Variants in SGO1 observed in about 807,000 individuals in gnomAD.
SGO1 encodes serologically defined breast cancer antigen NY-BR-85.
A neutral mutation model predicts 50.5 loss-of-function variants in SGO1; 39 were observed. The ratio of observed to expected loss-of-function variants is 0.77; its 90% confidence interval spans 0.60 to 1.01. The LOEUF is 1.01. Ranked by LOEUF, SGO1 falls within the 50% of genes least tolerant of loss-of-function variation. The pLI is 0.00. For missense variants in SGO1, 638 were observed against 606.0 expected (o/e 1.05, Z -0.55); for synonymous variants, 191 against 205.1 (o/e 0.93, Z 0.59).
At chr3:20,182,941 C>T (rs1037541425) in intron 3 of SGO1, among the ~76,000 whole-genome samples, 2 of 152,034 alleles carry the variant, frequency 1.3e-5, no homozygotes, top group African/African-American at 4.8e-5. Flanking sequence ...TGGCGTGAAC[C>T]CAGGAGGCCG....
chr3:20,182,787 C>G (rs1161461701), intron 3 of SGO1, among the ~76,000 whole-genome samples: 1 of 152,044 alleles, frequency 6.6e-6, no homozygotes, highest in Non-Finnish European at 1.5e-5. Context: ...GGGAGGTCGA[C>G]ATGGGCGGAT....
At chr3:20,167,597 T>C (rs954135433), downstream of SGO1, among the ~76,000 whole-genome samples, 3 of 152,202 alleles carry the variant, frequency 2.0e-5, no homozygotes, top group African/African-American at 7.2e-5. Flanking sequence ...TACAAGTTCA[T>C]AGTAATTAAA....
At chr3:20,161,262 TGTTTCTA>T (rs1700024933) in intron 8 of SGO1, 15 of 1,498,866 alleles carry the variant, frequency 1.0e-5, no homozygotes, top group Middle Eastern at 1.9e-4. Context: ...TCTACAGAGA[TGTTTCTA>T]CAACCTAGTC....
At chr3:20,175,138 A>G (rs1041036490) in intron 5 of SGO1, 83 bp from the exon 6 acceptor site, 3 of 1,309,672 alleles carry the variant, frequency 2.3e-6, no homozygotes, top group African/African-American at 3.0e-5. Flanking sequence ...TCAAACTAAA[A>G]AAGTGAATGA....
At chr3:20,179,827 T>A (rs11717876) in intron 3 of SGO1, among the ~76,000 whole-genome samples, 1 of 152,040 alleles carries the variant, frequency 6.6e-6, no homozygotes, top group Admixed American at 6.5e-5. Flanking sequence ...CAGGGGAGCA[T>A]GATATCATGA....
At chr3:20,165,386 C>G (rs533870230), downstream of SGO1, among the ~76,000 whole-genome samples, 1 of 152,252 alleles carries the variant, frequency 6.6e-6, no homozygotes, top group African/African-American at 2.4e-5. Flanking sequence ...CAGATTTCAA[C>G]ATGGGATTTG....
chr3:20,172,381 AT>A (rs1267754523), intron 6 of SGO1, among the ~76,000 whole-genome samples: 1 of 151,972 alleles, frequency 6.6e-6, no homozygotes, highest in Non-Finnish European at 1.5e-5. Flanking sequence ...CATGCCTGTA[AT>A]CCCAGCTACT....
rs1212887232 is a variant in SGO1 at position 20,186,076 on chromosome 3, C to T, written c.-136G>A. The T allele has an allele frequency of 2.0e-5, 3 of 152,662 alleles. No individual in the cohort carries two copies. In the East Asian group the frequency reaches 5.8e-4, roughly 29 times the overall value. 9.5% of individuals were successfully genotyped at this position (152,662 alleles called of 1,614,324 possible). A position where few individuals can be genotyped will look rare whatever the true frequency, so the allele number is the denominator to read the frequency against. On this transcript the variant is annotated 5_prime_UTR_variant, in exon 1 of 8. Coordinates refer to ENST00000412997, the MANE Select transcript of SGO1 (RefSeq NM_001199251.3). ...AACGATACCTTGGCCACTACTTCTGCAACAGCTATCTTCCTCCTCCTCACA... is the reference window on the plus strand; with the variant it reads ...AACGATACCTTGGCCACTACTTCTGTAACAGCTATCTTCCTCCTCCTCACA...
chr3:20,177,077 G>A, intron 4 of SGO1: 1 of 153,908 alleles, frequency 6.5e-6, no homozygotes, highest in Non-Finnish European at 1.4e-5. Flanking sequence ...CTTAACTATT[G>A]AACTCTTCTG....
In SGO1 at chr3:20,169,911, C is replaced by T. The variant is rs1375668998; in HGVS notation, c.*793G>A. 2.0e-6 allele frequency: 2 copies of T among 983,358 alleles called. No homozygotes were observed. The highest frequency in any genetic ancestry group is 2.4e-6 in the Non-Finnish European group (2 of 828,212). 60.9% of individuals were successfully genotyped at this position (983,358 alleles called of 1,614,324 possible). Reference sequence around the variant, plus strand: ...CTGTAAATGTCAAATATTTATTTTACTCGAATACTACACAGAGTTTCAAAA... The same window carrying T: ...CTGTAAATGTCAAATATTTATTTTATTCGAATACTACACAGAGTTTCAAAA... On this transcript the variant is annotated 3_prime_UTR_variant, in exon 8 of 8. Coordinates refer to ENST00000412997, the MANE Select transcript of SGO1 (RefSeq NM_001199251.3).
chr3:20,167,263 A>G (rs1700351806), downstream of SGO1, among the ~76,000 whole-genome samples: 1 of 152,202 alleles, frequency 6.6e-6, no homozygotes, highest in Non-Finnish European at 1.5e-5. Context: ...CTCAAAATAA[A>G]TGCCATATGG....
chr3:20,166,056 CAAA>C (rs923394132), downstream of SGO1, among the ~76,000 whole-genome samples: 8 of 149,166 alleles, frequency 5.4e-5, no homozygotes, highest in African/African-American at 2.0e-4. Flanking sequence ...CCATCTCAAA[CAAA>C]AAAAAAGTTA....
Position 20,171,111 on chromosome 3 carries a change from G to C in SGO1, c.1404C>G (p.Ser468Arg), listed in dbSNP as rs1428933222. ...LSLSPKKNKA[S>R]PAVALPKRRC... ...TACGTTTAGGCAGAGCCACTGCTGGGCTTGCTTTATTCTTTTTTGGAGAAA... is the reference window on the plus strand; with the variant it reads ...TACGTTTAGGCAGAGCCACTGCTGGCCTTGCTTTATTCTTTTTTGGAGAAA... The change falls in exon 7 of 8, where the codon AGC becomes AGG. Residue 468 changes from serine (S) to arginine (R), a missense_variant. Ser to Arg is a moderately radical substitution (Grantham distance 110). Coordinates refer to ENST00000412997, the MANE Select transcript of SGO1 (RefSeq NM_001199251.3). 4 of 1,613,076 alleles carry C rather than the reference G, an allele frequency of 2.5e-6. No homozygotes were observed. Among genetic ancestry groups the C allele is most frequent in the Non-Finnish European group, 3.4e-6 (4 of 1,179,742 alleles).
Position 20,170,740 on chromosome 3 carries a change from C to CA in SGO1, c.1547dup (p.Leu516PhefsTer5). 6.3e-7 allele frequency: 1 copy of CA among 1,592,000 alleles called. No homozygotes were observed. ...GTTTCATACTTTTTTTAGAACGTCT[C>CA]AAATCCTTTTTCTGCTTGAAAATAG... is the stretch of plus-strand genomic sequence containing the variant. On this transcript the variant is annotated frameshift_variant, in exon 8 of 8. Coordinates refer to ENST00000412997, the MANE Select transcript of SGO1 (RefSeq NM_001199251.3). LOFTEE classifies it high-confidence loss of function.
At chr3:20,178,451 T>G (rs1003241573) in intron 3 of SGO1, 104 bp from the exon 4 acceptor site, 4 of 816,096 alleles carry the variant, frequency 4.9e-6, no homozygotes, top group Non-Finnish European at 8.3e-6. Context: ...CATGGTGCCA[T>G]GCCATGGTTC....
At chr3:20,161,810 T>C (rs568475047) in intron 8 of SGO1, among the ~76,000 whole-genome samples, 82 of 152,338 alleles carry the variant, frequency 5.4e-4, no homozygotes, top group Non-Finnish European at 7.6e-4. Context: ...GGATAAATTA[T>C]TGACTTCCAC....
At chr3:20,162,116 C>T (rs568142066) in intron 8 of SGO1, among the ~76,000 whole-genome samples, 60 of 152,202 alleles carry the variant, frequency 3.9e-4, no homozygotes, top group African/African-American at 1.3e-3. Flanking sequence ...GAGTAATAGA[C>T]GGGAAAGAGC....
At chr3:20,161,254 T>C in intron 8 of SGO1, 1 of 1,510,376 alleles carries the variant, frequency 6.6e-7, no homozygotes, top group Non-Finnish European at 8.8e-7. Context: ...AAAATCAGTC[T>C]ACAGAGATGT....
intron 3 of SGO1, among the ~76,000 whole-genome samples, chr3:20,179,497 T>C (rs1425906518): frequency 6.8e-6 from 1 of 147,352 alleles, no homozygotes; most frequent in Non-Finnish European, 1.5e-5. Context: ...CTATCATAGC[T>C]CACTGCAGCC....
Sources: allele counts gnomAD v4.1 joint callset (sites outside exome capture counted in the v4.1 genomes callset), GRCh38; gene constraint gnomAD v4.1.1; transcripts MANE v1.5; gene names NCBI Gene and HGNC (gene_info 2026-07-23, HGNC 2026-07-21).